NPAS3: variants seen among roughly 807,000 people sequenced by gnomAD.
The protein encoded by NPAS3 is neuronal PAS domain-containing protein 3.
Under a neutral mutation model 73.1 loss-of-function variants are expected in NPAS3, and 14 were observed. The observed-to-expected ratio is 0.19, with a 90% CI of 0.13 to 0.30. NPAS3 has a LOEUF of 0.30. Among genes scored for constraint, NPAS3 ranks in the 10% least tolerant of loss-of-function variants. The pLI is 1.00. For missense variants in NPAS3, 1,096 were observed against 1,250.0 expected, an observed-to-expected ratio of 0.88 and a Z score of 1.86; for synonymous variants, 620 against 541.5, an observed-to-expected ratio of 1.14 and a Z score of -2.01.
intron 4 of NPAS3, among the ~76,000 whole-genome samples, chr14:33,383,174 T>C (rs902194865): frequency 4.6e-5 from 7 of 151,370 alleles, no homozygotes; most frequent in African/African-American, 1.7e-4. Flanking sequence ...AATTTCAAAA[T>C]GGTTTCATGT....
chr14:33,340,593 G>A (rs992238705), intron 3 of NPAS3, among the ~76,000 whole-genome samples: 1 of 152,152 alleles, frequency 6.6e-6, no homozygotes, highest in Non-Finnish European at 1.5e-5. Flanking sequence ...ATTATTTATA[G>A]GTTAAATGAT....
chr14:32,937,186 C>T (rs2035722933), upstream of NPAS3, among the ~76,000 whole-genome samples: 1 of 152,152 alleles, frequency 6.6e-6, no homozygotes, highest in Non-Finnish European at 1.5e-5. Context: ...CAGGAGTCCC[C>T]TGTCCTCTGG....
intron 3 of NPAS3, among the ~76,000 whole-genome samples, chr14:33,346,121 G>C (rs1466826592): frequency 6.6e-6 from 1 of 151,702 alleles, no homozygotes; most frequent in East Asian, 1.9e-4. Context: ...AATCCCAGCT[G>C]AGGGGAGGCA....
intron 3 of NPAS3, among the ~76,000 whole-genome samples, chr14:33,361,628 T>C (rs2045605879): frequency 6.6e-6 from 1 of 152,256 alleles, no homozygotes; most frequent in Non-Finnish European, 1.5e-5. Context: ...AAATATGTAT[T>C]GCATCAAAAA....
chr14:32,997,280 G>T (rs183418418), intron 1 of NPAS3, among the ~76,000 whole-genome samples: 26 of 152,306 alleles, frequency 1.7e-4, no homozygotes, highest in African/African-American at 5.8e-4. Context: ...TAGGTGGAAT[G>T]GGCTTGCCTT....
intron 2 of NPAS3, among the ~76,000 whole-genome samples, chr14:33,181,878 T>C (rs1356135233): frequency 6.6e-6 from 1 of 152,190 alleles, no homozygotes; most frequent in African/African-American, 2.4e-5. Context: ...AGAAATGCTT[T>C]TCTGTCTGAA....
intron 3 of NPAS3, among the ~76,000 whole-genome samples, chr14:33,249,411 A>G (rs2048500940): frequency 6.7e-6 from 1 of 150,294 alleles, no homozygotes; most frequent in South Asian, 2.1e-4. Flanking sequence ...GAATGCCTTC[A>G]GTGCAAGACT....
chr14:33,417,257 A>G (rs2048185637), intron 4 of NPAS3, among the ~76,000 whole-genome samples: 1 of 152,094 alleles, frequency 6.6e-6, no homozygotes, highest in Non-Finnish European at 1.5e-5. Flanking sequence ...ATGAAATAGT[A>G]GTTTTGAATC....
At chr14:33,428,953 A>G (rs546054833) in intron 4 of NPAS3, among the ~76,000 whole-genome samples, 18 of 152,246 alleles carry the variant, frequency 1.2e-4, no homozygotes, top group African/African-American at 4.1e-4. Context: ...TAATAAAACT[A>G]GACACTATTT....
intron 4 of NPAS3, among the ~76,000 whole-genome samples, chr14:33,469,501 T>C (rs2050686106): frequency 6.6e-6 from 1 of 152,194 alleles, no homozygotes; most frequent in Admixed American, 6.5e-5. Context: ...ATATTAGAAA[T>C]CAGCCTTAAT....
At chr14:33,740,321 A>G (rs1426937588) in intron 7 of NPAS3, among the ~76,000 whole-genome samples, 1 of 152,248 alleles carries the variant, frequency 6.6e-6, no homozygotes, top group Non-Finnish European at 1.5e-5. Context: ...ACTGAGAAAT[A>G]TCCAGATCTT....
chr14:33,528,966 T>C (rs558926890), intron 4 of NPAS3, among the ~76,000 whole-genome samples: 230 of 152,264 alleles, frequency 1.5e-3, no homozygotes, highest in African/African-American at 5.1e-3. Context: ...ATATAGTTGA[T>C]GTGAGGCATC....
intron 6 of NPAS3, among the ~76,000 whole-genome samples, chr14:33,703,123 G>A (rs897118705): frequency 2.0e-5 from 3 of 152,118 alleles, no homozygotes; most frequent in Non-Finnish European, 4.4e-5. Flanking sequence ...AAGAATTCCT[G>A]TACTGTTTAA....
intron 5 of NPAS3, among the ~76,000 whole-genome samples, chr14:33,614,462 G>A (rs556678743): frequency 3.3e-4 from 50 of 152,308 alleles, no homozygotes; most frequent in Admixed American, 1.2e-3. Context: ...GTGGTGACAT[G>A]GAGAGAAGAA....
At chr14:33,162,257 A>G (rs996086860) in intron 2 of NPAS3, among the ~76,000 whole-genome samples, 1 of 152,228 alleles carries the variant, frequency 6.6e-6, no homozygotes, top group African/African-American at 2.4e-5. Context: ...CCATGCATCC[A>G]TATCTACATT....
At chr14:33,790,664 T>C (rs1251459343) in intron 9 of NPAS3, among the ~76,000 whole-genome samples, 1 of 152,122 alleles carries the variant, frequency 6.6e-6, no homozygotes, top group Non-Finnish European at 1.5e-5. Flanking sequence ...TAAATTCCAT[T>C]ATGATTTCTT....
chr14:33,363,112 C>A (rs187430902), intron 3 of NPAS3, among the ~76,000 whole-genome samples: 2 of 152,272 alleles, frequency 1.3e-5, no homozygotes. Context: ...ATGGGTTCTT[C>A]CATGGCAAGC....
At chr14:33,711,889 G>C (rs1056720383) in intron 6 of NPAS3, among the ~76,000 whole-genome samples, 3 of 152,040 alleles carry the variant, frequency 2.0e-5, no homozygotes, top group African/African-American at 7.2e-5. Flanking sequence ...CTGCACGGCT[G>C]CTTAGGGGAT....
At chr14:33,640,994 C>G (rs1021810876) in intron 5 of NPAS3, among the ~76,000 whole-genome samples, 9 of 152,124 alleles carry the variant, frequency 5.9e-5, no homozygotes, top group African/African-American at 2.2e-4. Context: ...ACTGGCAGTT[C>G]TCTCTGTGTG....
Sources: allele counts gnomAD v4.1 joint callset (sites outside exome capture counted in the v4.1 genomes callset), GRCh38; gene constraint gnomAD v4.1.1; transcripts MANE v1.5; gene names NCBI Gene and HGNC (gene_info 2026-07-23, HGNC 2026-07-21).